Variants in CD24 observed in about 807,000 individuals in gnomAD.
CD24 encodes CD24 molecule.
A neutral mutation model predicts 3.6 loss-of-function variants in CD24; 2 were observed. That is an observed-to-expected ratio of 0.56 (90% CI 0.23 to 1.77). The LOEUF (loss-of-function observed/expected upper bound fraction) is 1.77. Among genes scored for constraint, CD24 ranks in the 40% most tolerant of loss-of-function variants. The pLI, the probability that CD24 is intolerant of heterozygous loss-of-function variation, is 0.18. For missense variants in CD24, 62 were observed against 93.6 expected, an observed-to-expected ratio of 0.66 and a Z score of 1.39; for synonymous variants, 33 against 44.9, an observed-to-expected ratio of 0.74 and a Z score of 1.06.
At chr6:106,972,094 G>C (rs1368084764) in intron 1 of CD24, among the ~76,000 whole-genome samples, 1 of 152,074 alleles carries the variant, frequency 6.6e-6, no homozygotes, top group Non-Finnish European at 1.5e-5. Flanking sequence ...TATAACTCCT[G>C]TTTTTATTTC....
chr6:106,973,740 C>T, intron 1 of CD24: 1 of 398,554 alleles, frequency 2.5e-6, no homozygotes, highest in Non-Finnish European at 4.4e-6. Flanking sequence ...CGCGGTGCAT[C>T]CATACACCCT....
upstream of CD24, chr6:106,975,400 G>A (rs1478662930): frequency 6.6e-6 from 1 of 151,014 alleles, no homozygotes; most frequent in Non-Finnish European, 1.5e-5. Flanking sequence ...GCCGCCTAGC[G>A]CGAACCCTTC....
At chr6:106,975,182 T>C (rs957192488), upstream of CD24, 1 of 151,908 alleles carries the variant, frequency 6.6e-6, no homozygotes. Flanking sequence ...TAGCCGCCTG[T>C]CCTGGAGCAA....
Position 106,974,655 on chromosome 6 carries a change from C to G in CD24, c.-9G>C. 1.3e-6 allele frequency: 2 copies of G among 1,493,790 alleles called. No homozygotes were observed. Among genetic ancestry groups the G allele is most frequent in the East Asian group, 2.9e-5 (1 of 34,718 alleles). The allele number at this position is 1,493,790 out of a possible 1,614,324, so 92.5% of individuals were successfully genotyped here. A position where few individuals can be genotyped will look rare whatever the true frequency, so the allele number is the denominator to read the frequency against. On this transcript the variant is annotated 5_prime_UTR_variant, in exon 1 of 2. Transcript: ENST00000606017. ...ACCATTGCTCTGCCCATGTCCCCTCCGTCGGTGCGCGGCGCGTCTAGCAGG... is the reference window on the plus strand; with the variant it reads ...ACCATTGCTCTGCCCATGTCCCCTCGGTCGGTGCGCGGCGCGTCTAGCAGG...
rs2114901876 is a variant in CD24 at position 106,974,679 on chromosome 6, G to C, written c.-33C>G. 2.0e-6 allele frequency: 3 copies of C among 1,489,288 alleles called. No homozygotes were observed. The highest frequency in any genetic ancestry group is 5.8e-5 in the East Asian group (2 of 34,536). 92.3% of individuals were successfully genotyped at this position (1,489,288 alleles called of 1,614,324 possible). The stretch of plus-strand genomic sequence containing the variant: ...CCGTCGGTGCGCGGCGCGTCTAGCA[G>C]GATGCTGGGTGCTTGGAGAACCGCT... On this transcript the variant is annotated 5_prime_UTR_variant, in exon 1 of 2. Coordinates refer to ENST00000606017, the MANE Select transcript of CD24 (RefSeq NM_001359084.1).
intron 1 of CD24, chr6:106,973,616 C>T: frequency 2.5e-6 from 1 of 398,514 alleles, no homozygotes; most frequent in Non-Finnish European, 4.4e-6. Flanking sequence ...ATCGAAGGCG[C>T]TGGAGAGCCG....
At chr6:106,973,200 T>C (rs1216477970) in intron 1 of CD24, among the ~76,000 whole-genome samples, 1 of 152,050 alleles carries the variant, frequency 6.6e-6, no homozygotes, top group East Asian at 1.9e-4. Flanking sequence ...GGTGTATCAA[T>C]CTGAGGATCT....
chr6:106,975,336 C>A (rs1275812266), upstream of CD24: 2 of 152,070 alleles, frequency 1.3e-5, no homozygotes, highest in African/African-American at 4.8e-5. Flanking sequence ...GGGAACGCGG[C>A]GGGCGTGGCG....
At chr6:106,975,677 C>G (rs1773097199), upstream of CD24, 1 of 152,274 alleles carries the variant, frequency 6.6e-6, no homozygotes, top group Non-Finnish European at 1.5e-5. Flanking sequence ...GAGGAGGAGA[C>G]GGCCCACCCT....
At chr6:106,973,014 AT>A (rs1183509117) in intron 1 of CD24, among the ~76,000 whole-genome samples, 4 of 152,212 alleles carry the variant, frequency 2.6e-5, no homozygotes, top group Non-Finnish European at 5.9e-5. Context: ...TGTGTGCAAG[AT>A]TTAGTGTGTC....
chr6:106,974,444 T>A, intron 1 of CD24, 134 bp downstream of exon 1: 1 of 553,908 alleles, frequency 1.8e-6, no homozygotes, highest in Non-Finnish European at 3.0e-6. Flanking sequence ...CCTGGTCAGC[T>A]AAGCAAGATT....
chr6:106,975,989 C>T (rs1402489147), upstream of CD24, among the ~76,000 whole-genome samples: 1 of 152,184 alleles, frequency 6.6e-6, no homozygotes, highest in African/African-American at 2.4e-5. Flanking sequence ...TTTTTCCTAT[C>T]CATCTTATTG....
upstream of CD24, among the ~76,000 whole-genome samples, chr6:106,975,957 C>T (rs973039807): frequency 2.0e-5 from 3 of 152,238 alleles, no homozygotes; most frequent in Admixed American, 1.3e-4. Context: ...CGTCATCACT[C>T]TTTAGATTTT....
At chr6:106,976,106 C>T (rs934947043), upstream of CD24, among the ~76,000 whole-genome samples, 9 of 152,250 alleles carry the variant, frequency 5.9e-5, no homozygotes, top group East Asian at 1.7e-3. Flanking sequence ...AGGTTTAGCC[C>T]AAGTGTTTTT....
upstream of CD24, chr6:106,974,846 C>A (rs1489135026): frequency 3.2e-6 from 1 of 315,190 alleles, no homozygotes; most frequent in African/African-American, 2.2e-5. Flanking sequence ...TCCCCGCCTT[C>A]CCCGCCCCGC....
upstream of CD24, among the ~76,000 whole-genome samples, chr6:106,976,647 CA>C (rs1773111746): frequency 6.6e-6 from 1 of 152,096 alleles, no homozygotes; most frequent in Non-Finnish European, 1.5e-5. Context: ...AGTTCCAGAC[CA>C]ACCTGACCAA....
intron 1 of CD24, among the ~76,000 whole-genome samples, chr6:106,972,111 A>C (rs1428239485): frequency 6.6e-6 from 1 of 152,254 alleles, no homozygotes; most frequent in Admixed American, 6.5e-5. Context: ...TTTCTTTGCA[A>C]AGGAAAAAAG....
In CD24 at chr6:106,971,552, T is replaced by C. The variant is rs1469300653; in HGVS notation, c.*109A>G. On this transcript the variant is annotated 3_prime_UTR_variant, in exon 2 of 2. Coordinates refer to ENST00000606017, the MANE Select transcript of CD24 (RefSeq NM_001359084.1). Reference sequence around the variant, plus strand: ...GTGTCAATAAAAGGTGTGGAATTAGTAGATTCGATGAAGACCTGTTTTTCC... The same window carrying C: ...GTGTCAATAAAAGGTGTGGAATTAGCAGATTCGATGAAGACCTGTTTTTCC... 8 of 710,092 alleles carry C rather than the reference T, an allele frequency of 1.1e-5. No individual in the cohort carries two copies. The highest frequency in any genetic ancestry group is 1.0e-4 in the South Asian group (6 of 60,072). 44.0% of individuals were successfully genotyped at this position (710,092 alleles called of 1,614,324 possible).
chr6:106,974,005 C>G, intron 1 of CD24: 1 of 397,886 alleles, frequency 2.5e-6, no homozygotes, highest in Non-Finnish European at 4.4e-6. Context: ...GTCCCCGCCT[C>G]GGCTTCAGCC....
Sources: allele counts gnomAD v4.1 joint callset (sites outside exome capture counted in the v4.1 genomes callset), GRCh38; gene constraint gnomAD v4.1.1; transcripts MANE v1.5; gene names NCBI Gene and HGNC (gene_info 2026-07-23, HGNC 2026-07-21).